HDAC5: variants seen among roughly 807,000 people sequenced by gnomAD.
HDAC5 encodes the protein histone deacetylase 5, also known as antigen NY-CO-9.
In HDAC5, 25 loss-of-function variants were observed where a neutral mutation model predicts 133.3. The ratio of observed to expected loss-of-function variants is 0.19; its 90% confidence interval spans 0.14 to 0.26. The LOEUF (loss-of-function observed/expected upper bound fraction) is 0.26. Ranked by LOEUF, HDAC5 falls within the 10% of genes least tolerant of loss-of-function variation. HDAC5 has a pLI of 1.00. For missense variants in HDAC5, 1,041 were observed against 1,460.5 expected (o/e 0.71, Z 4.68); for synonymous variants, 589 against 610.8 (o/e 0.96, Z 0.53).
chr17:44,107,308 C>G (rs2052019302), intron 3 of HDAC5, among the ~76,000 whole-genome samples: 1 of 152,144 alleles, frequency 6.6e-6, no homozygotes, highest in South Asian at 2.1e-4. Context: ...CAACACTGTC[C>G]TAAAACAGAT....
rs116017815 is a variant in HDAC5, at chr17:44,093,212, G to A, written c.527-6C>T. On this transcript the variant is annotated splice_region_variant and splice_polypyrimidine_tract_variant and intron_variant, in intron 5 of 26. Transcript: ENST00000682912. ...CTCAGTGCTGGCAATGGCACCTGCA[G>A]GACAGGGCACAACTGACCTGGCTGC... The A allele has an allele frequency of 8.4e-4, 1,346 of 1,607,772 alleles. 12 individuals are homozygous for A. In the African/African-American group the frequency reaches 0.016, roughly 19 times the overall value.
intron 20 of HDAC5, chr17:44,081,808 T>G (rs2050406417): frequency 6.6e-6 from 1 of 152,216 alleles, no homozygotes; most frequent in African/African-American, 2.4e-5. Flanking sequence ...CTCGAACTCC[T>G]GACCCCAAGT....
intron 3 of HDAC5, among the ~76,000 whole-genome samples, chr17:44,096,438 GA>G (rs1370973692): frequency 1.3e-4 from 19 of 140,752 alleles, no homozygotes; most frequent in Admixed American, 6.4e-4. Flanking sequence ...GCGAGAGAGG[GA>G]AAAAAAAAAC....
chr17:44,078,678 G>C lies in HDAC5; in HGVS notation c.3164-13C>G. The C allele has an allele frequency of 3.7e-6, 6 of 1,605,024 alleles. No individual in the cohort carries two copies. Among genetic ancestry groups the C allele is most frequent in the Non-Finnish European group, 5.1e-6 (6 of 1,177,150 alleles). Reference sequence around the variant, plus strand: ...CTCCAGTGTTTGCCTGTGGACGAGAGACAGGCAAGGGGTCAGGGAGGGCAG... The same window carrying C: ...CTCCAGTGTTTGCCTGTGGACGAGACACAGGCAAGGGGTCAGGGAGGGCAG... On this transcript the variant is annotated splice_polypyrimidine_tract_variant and intron_variant, in intron 25 of 26. Transcript: ENST00000682912.
intron 1 of HDAC5, among the ~76,000 whole-genome samples, chr17:44,122,514 C>A (rs2053073222): frequency 6.6e-6 from 1 of 152,138 alleles, no homozygotes; most frequent in South Asian, 2.1e-4. Context: ...CCCTTTTGCA[C>A]CCTCCTAAAA....
chr17:44,113,803 T>TG (rs1259586177), intron 2 of HDAC5, among the ~76,000 whole-genome samples: 1 of 152,122 alleles, frequency 6.6e-6, no homozygotes, highest in Non-Finnish European at 1.5e-5. Context: ...GCTGTGGGGA[T>TG]GGGGGGACCT....
intron 1 of HDAC5, among the ~76,000 whole-genome samples, chr17:44,118,281 G>A (rs1308776939): frequency 6.6e-6 from 1 of 152,234 alleles, no homozygotes; most frequent in East Asian, 1.9e-4. Context: ...TCCAGGAATT[G>A]AGAAAGTCAG....
chr17:44,097,118 C>T (rs1166667715), intron 3 of HDAC5, among the ~76,000 whole-genome samples: 1 of 152,256 alleles, frequency 6.6e-6, no homozygotes, highest in Non-Finnish European at 1.5e-5. Flanking sequence ...GGGTCTGGAT[C>T]TCTCCAGAGA....
rs747263506 is a variant in HDAC5 at position 44,080,490 on chromosome 17, T to C, written c.2736A>G (p.Gly912=). ...PGSGAPEEVG[G]GPGVGYNVNV... The stretch of plus-strand genomic sequence containing the variant: ...TCACATTGTACCCCACGCCTGGTCC[T>C]CCACCAACCTGGCACCAGAGTTGGG... The change falls in exon 22 of 27, where the codon GGA becomes GGG. Residue 912 remains glycine (G), a synonymous_variant. Transcript: ENST00000682912. 1 of 1,614,060 alleles carries C rather than the reference T, an allele frequency of 6.2e-7. No individual in the cohort carries two copies. The highest frequency in any genetic ancestry group is 2.2e-5 in the East Asian group (1 of 44,878).
In HDAC5 at chr17:44,122,572, G is replaced by A. The variant is rs192842736; in HGVS notation, c.-190+932C>T. Among the ~76,000 whole-genome samples, 3 of 152,266 alleles carry A rather than the reference G, an allele frequency of 2.0e-5. No individual in the cohort carries two copies. In the East Asian group the frequency reaches 5.8e-4, roughly 29 times the overall value. On this transcript the variant is annotated intron_variant, in intron 1 of 26. Coordinates refer to ENST00000682912, the MANE Select transcript of HDAC5 (RefSeq NM_005474.5). ...CTCTTTAGGGACACACCTCATTTCA[G>A]AAGGGGTATCAGCCAGGGGTATCAA...
intron 1 of HDAC5, among the ~76,000 whole-genome samples, chr17:44,122,629 A>C (rs777112224): frequency 2.0e-5 from 3 of 152,050 alleles, no homozygotes; most frequent in Non-Finnish European, 4.4e-5. Context: ...GGAAGCACCC[A>C]ACCTCCCCAC....
chr17:44,106,987 G>A (rs1342429875), intron 3 of HDAC5, among the ~76,000 whole-genome samples: 1 of 150,038 alleles, frequency 6.7e-6, no homozygotes, highest in Non-Finnish European at 1.5e-5. Context: ...TCTTGTTATA[G>A]CGCCCAGGCT....
rs777140570 is a variant in HDAC5, at chr17:44,093,196, G to A, written c.537C>T (p.Ala179=). Residue 179 remains alanine (A), a synonymous_variant, in exon 6 of 27, where the codon GCC becomes GCT. Coordinates refer to ENST00000682912, the MANE Select transcript of HDAC5 (RefSeq NM_005474.5). ...GGAGCCTCAGCTTTACCTCAGTGCT[G>A]GCAATGGCACCTGCAGGACAGGGCA... ...NKEKSKESAI[A]STEVKLRLQE... is the part of the protein sequence containing the mutation. The A allele has an allele frequency of 1.2e-6, 2 of 1,611,990 alleles. No homozygotes were observed. Among genetic ancestry groups the A allele is most frequent in the East Asian group, 4.5e-5 (2 of 44,856 alleles).
intron 9 of HDAC5, 62 bp from the exon 10 acceptor site, chr17:44,091,893 C>T: frequency 1.3e-6 from 2 of 1,498,136 alleles, no homozygotes; most frequent in Middle Eastern, 1.9e-4. Flanking sequence ...CAAGGGAGGG[C>T]AACCTGGGGC....
rs558458933 is a variant in HDAC5 at position 44,083,089 on chromosome 17, C to T, written c.2464-269G>A. On this transcript the variant is annotated intron_variant, in intron 18 of 26. Coordinates refer to ENST00000682912, the MANE Select transcript of HDAC5 (RefSeq NM_005474.5). The stretch of plus-strand genomic sequence containing the variant: ...GGCCTCCCAGGCTCAGACAATCCTT[C>T]CACCTCAGTCTCCTGAATAGCTAGG... 2.2e-4 allele frequency among the ~76,000 whole-genome samples: 34 copies of T among 152,250 alleles called. No individual in the cohort carries two copies. In the South Asian group the frequency reaches 5.8e-3, roughly 26 times the overall value.
chr17:44,092,306 C>A (rs2143267906), intron 8 of HDAC5, 22 bp from the exon 9 acceptor site: 1 of 1,613,644 alleles, frequency 6.2e-7, no homozygotes, highest in Non-Finnish European at 8.5e-7. Context: ...GTGGCTGTCA[C>A]CTGGGCCTGC....
At chr17:44,080,953 G>A in intron 20 of HDAC5, 71 bp from the exon 21 acceptor site, 1 of 1,598,146 alleles carries the variant, frequency 6.3e-7, no homozygotes, top group Non-Finnish European at 8.6e-7. Context: ...CCACCTGTCA[G>A]CTGAGCACTG....
At position 44,087,442 on chromosome 17, in the gene HDAC5, G is replaced by C. The variant is rs368762751; in HGVS notation, c.1854C>G (p.Asp618Glu). The change falls in exon 13 of 27, where the codon GAC (aspartate) becomes GAG (glutamate). Residue 618 changes from aspartate (D) to glutamate (E), a missense_variant. Transcript: ENST00000682912. ...TGTATCCAGCACCAGGCTCCTCCAA[G>C]TCGGGCCCCTCCTCAGCACCACTCT... ...EGESGAEEGP[D>E]LEEPGAGYKK... is the part of the protein sequence containing the mutation. The C allele has an allele frequency of 2.4e-6, 3 of 1,266,888 alleles. No homozygotes were observed. The highest frequency in any genetic ancestry group is 3.5e-6 in the Non-Finnish European group (3 of 863,620). 78.5% of individuals were successfully genotyped at this position (1,266,888 alleles called of 1,614,324 possible). A position where few individuals can be genotyped will look rare whatever the true frequency, so the allele number is the denominator to read the frequency against.
intron 11 of HDAC5, among the ~76,000 whole-genome samples, chr17:44,089,050 C>T (rs1033751696): frequency 2.6e-5 from 4 of 151,982 alleles, no homozygotes; most frequent in Admixed American, 2.0e-4. Flanking sequence ...CTTTAGACAG[C>T]CCTGGTACTT....
Sources: gnomAD v4.1 joint callset for allele counts (sites outside exome capture counted in the v4.1 genomes callset) on GRCh38, gnomAD v4.1.1 for gene constraint, MANE v1.5 for transcripts, NCBI Gene and HGNC (gene_info 2026-07-23, HGNC 2026-07-21) for gene names.